RALGAPA1: variants seen among roughly 807,000 people sequenced by gnomAD.
RALGAPA1 encodes ral GTPase-activating protein subunit alpha-1.
RALGAPA1 carries 52 observed loss-of-function variants against 269.6 expected under a neutral mutation model. The ratio of observed to expected loss-of-function variants is 0.19; its 90% confidence interval spans 0.15 to 0.24. The LOEUF is 0.24. RALGAPA1 is among the 10% of genes least tolerant of loss of function. RALGAPA1 has a pLI of 1.00. For missense variants in RALGAPA1, 1,917 were observed against 3,013.9 expected (o/e 0.64, Z 8.52); for synonymous variants, 817 against 1,008.3 (o/e 0.81, Z 3.60).
At chr14:35,643,915 G>A (rs2062201697) in intron 31 of RALGAPA1, among the ~76,000 whole-genome samples, 1 of 152,124 alleles carries the variant, frequency 6.6e-6, no homozygotes, top group Admixed American at 6.5e-5. Flanking sequence ...TGGGGTAAGT[G>A]GGGATGGTTA....
At chr14:35,581,742 G>T (rs547616404) in intron 37 of RALGAPA1, among the ~76,000 whole-genome samples, 2 of 152,220 alleles carry the variant, frequency 1.3e-5, no homozygotes, top group Non-Finnish European at 2.9e-5. Context: ...ACAAGTGTTG[G>T]CAAAGATGTG....
At chr14:35,799,056 T>C (rs2076783054) in intron 1 of RALGAPA1, among the ~76,000 whole-genome samples, 1 of 151,078 alleles carries the variant, frequency 6.6e-6, no homozygotes, top group South Asian at 2.1e-4. Context: ...TACATGGGTA[T>C]GAGACTTTTT....
chr14:35,578,358 A>G (rs1012733133), intron 37 of RALGAPA1, among the ~76,000 whole-genome samples: 1 of 152,224 alleles, frequency 6.6e-6, no homozygotes, highest in Admixed American at 6.5e-5. Flanking sequence ...AGATAGGGGT[A>G]TACGTGTAGA....
intron 39 of RALGAPA1, among the ~76,000 whole-genome samples, chr14:35,557,354 T>C (rs772448828): frequency 1.3e-5 from 2 of 151,166 alleles, no homozygotes; most frequent in Non-Finnish European, 1.5e-5. Context: ...ATTACTTAAG[T>C]GTTATCTCTA....
chr14:35,614,098 G>T (rs1042125681), intron 35 of RALGAPA1, among the ~76,000 whole-genome samples: 1 of 152,052 alleles, frequency 6.6e-6, no homozygotes, highest in Non-Finnish European at 1.5e-5. Context: ...GCTAGGGCAT[G>T]GAGAGTATGT....
intron 10 of RALGAPA1, among the ~76,000 whole-genome samples, chr14:35,742,793 T>G (rs1004482954): frequency 4.0e-5 from 6 of 151,004 alleles, no homozygotes; most frequent in Non-Finnish European, 7.4e-5. Flanking sequence ...ACCAAACTTC[T>G]AAATAGAGAC....
At chr14:35,546,167 T>C (rs966720163) in intron 41 of RALGAPA1, among the ~76,000 whole-genome samples, 3 of 152,090 alleles carry the variant, frequency 2.0e-5, no homozygotes, top group African/African-American at 7.2e-5. Context: ...GAAAATACAG[T>C]TATGAAATTT....
At chr14:35,675,683 C>G (rs1321383082) in intron 22 of RALGAPA1, among the ~76,000 whole-genome samples, 1 of 152,002 alleles carries the variant, frequency 6.6e-6, no homozygotes, top group Non-Finnish European at 1.5e-5. Context: ...TGCTAGATAT[C>G]ATTATAGGTT....
Position 35,677,988 on chromosome 14 carries a change from T to G in RALGAPA1, c.4586A>C (p.Lys1529Thr). The change falls in exon 22 of 42, where the codon AAG (lysine) becomes ACG (threonine). Residue 1529 changes from lysine (K) to threonine (T), a missense_variant. This residue lies in a region of RALGAPA1 where 73 missense variants were observed against 190.6 expected (regional missense o/e 0.38). Transcript: ENST00000680220. ...MEQKDLQLDE[K>T]LHHSVLQTPD... ...TGTCTGAAGAACAGAGTGGTGGAGC[T>G]TCTCGTCGAGCTGCAGATCCTTCTG... is the stretch of plus-strand genomic sequence containing the variant. 6.2e-7 allele frequency: 1 copy of G among 1,613,660 alleles called. No homozygotes were observed. The highest frequency in any genetic ancestry group is 8.5e-7 in the Non-Finnish European group (1 of 1,179,908).
At chr14:35,600,070 C>T (rs2059179275) in intron 36 of RALGAPA1, among the ~76,000 whole-genome samples, 1 of 151,476 alleles carries the variant, frequency 6.6e-6, no homozygotes, top group Non-Finnish European at 1.5e-5. Context: ...CAAGTATTTC[C>T]AGTACTTTTT....
intron 1 of RALGAPA1, among the ~76,000 whole-genome samples, chr14:35,786,931 C>T (rs1283405319): frequency 2.0e-5 from 3 of 152,062 alleles, no homozygotes; most frequent in Non-Finnish European, 4.4e-5. Context: ...GTGTGAAAAC[C>T]CAATCATCAT....
At chr14:35,617,186 G>A (rs34781744) in intron 35 of RALGAPA1, among the ~76,000 whole-genome samples, 53,167 of 152,038 alleles carry the variant, frequency 0.35, 11,703 homozygotes, top group Non-Finnish European at 0.5. Context: ...GACTTCAGGA[G>A]TGGACAGGAG....
rs76549730 is a variant in RALGAPA1 at position 35,567,720 on chromosome 14, A to C, written c.7496+2897T>G. Among the ~76,000 whole-genome samples the C allele has an allele frequency of 5.0e-3, 760 of 152,280 alleles. 8 individuals are homozygous for C. The highest frequency in any genetic ancestry group is 0.017 in the African/African-American group (709 of 41,578). On this transcript the variant is annotated intron_variant, in intron 39 of 41. Transcript: ENST00000680220. ...TTTAAAACTACTTGGTAAGGAGTGCATCTTAAATGTTGTTGTACCTCATGT... is the reference window on the plus strand; with the variant it reads ...TTTAAAACTACTTGGTAAGGAGTGCCTCTTAAATGTTGTTGTACCTCATGT...
chr14:35,650,199 C>G (rs2062723991), intron 31 of RALGAPA1, among the ~76,000 whole-genome samples: 1 of 151,744 alleles, frequency 6.6e-6, no homozygotes, highest in African/African-American at 2.4e-5. Flanking sequence ...TGATGAGACC[C>G]CCCCGCCCCC....
At chr14:35,625,569 G>T in intron 34 of RALGAPA1, 137 bp from the exon 35 acceptor site, 1 of 521,912 alleles carries the variant, frequency 1.9e-6, no homozygotes, top group South Asian at 3.3e-5. Flanking sequence ...AAGGAGAACA[G>T]ACCCTAAAAA....
At chr14:35,758,437 C>A (rs1303714848) in intron 6 of RALGAPA1, among the ~76,000 whole-genome samples, 1 of 151,922 alleles carries the variant, frequency 6.6e-6, no homozygotes, top group Non-Finnish European at 1.5e-5. Context: ...TAGTCTCTGC[C>A]GGGGAGTATA....
intron 21 of RALGAPA1, among the ~76,000 whole-genome samples, chr14:35,682,633 A>G (rs2065553814): frequency 6.6e-6 from 1 of 152,062 alleles, no homozygotes; most frequent in African/African-American, 2.4e-5. Context: ...GAACAATTTC[A>G]GTATGCGTAG....
chr14:35,743,328 C>G (rs1303998140), intron 10 of RALGAPA1, among the ~76,000 whole-genome samples: 1 of 152,088 alleles, frequency 6.6e-6, no homozygotes, highest in Admixed American at 6.5e-5. Flanking sequence ...TTAATTTGCA[C>G]ACTGATATAG....
intron 31 of RALGAPA1, among the ~76,000 whole-genome samples, chr14:35,639,622 G>T (rs1355964438): frequency 2.6e-5 from 4 of 152,122 alleles, no homozygotes; most frequent in Admixed American, 2.0e-4. Context: ...GAGGAATTTT[G>T]GAAACTATAC....
Sources: gnomAD v4.1 joint callset for allele counts (sites outside exome capture counted in the v4.1 genomes callset) on GRCh38, gnomAD v4.1.1 for gene constraint, gnomAD v4.1.1 regional missense constraint, MANE v1.5 for transcripts, NCBI Gene and HGNC (gene_info 2026-07-23, HGNC 2026-07-21) for gene names.